AQR: variants seen among roughly 807,000 people sequenced by gnomAD.
AQR encodes aquarius intron-binding spliceosomal factor.
Under a neutral mutation model 180.5 loss-of-function variants are expected in AQR, and 61 were observed. The ratio of observed to expected loss-of-function variants is 0.34; its 90% CI spans 0.28 to 0.42. AQR has a LOEUF of 0.42. Ranked by LOEUF, AQR falls within the 10% of genes least tolerant of loss-of-function variation. The probability of loss-of-function intolerance (pLI) is 1.00; values close to 1 mark genes in which losing one functional copy is unlikely to be tolerated. For missense variants in AQR, 1,281 were observed against 1,798.3 expected (o/e 0.71, Z 5.20); for synonymous variants, 551 against 588.8 (o/e 0.94, Z 0.93).
chr15:34,904,009 T>C (rs989159643), intron 19 of AQR, among the ~76,000 whole-genome samples: 1 of 152,086 alleles, frequency 6.6e-6, no homozygotes, highest in Admixed American at 6.6e-5. Context: ...AAGCAAGTTT[T>C]CTTCACTTCA....
At chr15:34,964,381 C>G (rs752749424) in intron 1 of AQR, 91 bp from the exon 2 acceptor site, 2 of 1,057,562 alleles carry the variant, frequency 1.9e-6, no homozygotes, top group Non-Finnish European at 1.4e-6. Context: ...GGTTTCTTAA[C>G]AAGGCCCTAC....
At chr15:34,866,916 A>G (rs1892744414) in intron 32 of AQR, among the ~76,000 whole-genome samples, 1 of 152,084 alleles carries the variant, frequency 6.6e-6, no homozygotes, top group Non-Finnish European at 1.5e-5. Flanking sequence ...TTTATTTCTA[A>G]TCAATAAAGT....
chr15:34,918,361 A>G lies in AQR; in HGVS notation c.1239T>C (p.Arg413=), dbSNP rs778349641. The part of the protein sequence containing the change: ...LLELLVSRHE[R]RISQIQQLNQ... ...TCAACTGCTGAATCTGAGAAATTCG[A>G]CGTTCATGACGAGATACCTAAAATA... Residue 413 remains arginine (R), a synonymous_variant, in exon 15 of 35, where the codon CGT becomes CGC. Coordinates refer to ENST00000156471, the MANE Select transcript of AQR (RefSeq NM_014691.3). 1.7e-5 allele frequency: 27 copies of G among 1,613,576 alleles called. No individual in the cohort carries two copies. In the South Asian group the frequency reaches 2.9e-4, roughly 17 times the overall value.
rs267604161 is a variant in AQR at position 34,948,363 on chromosome 15, G to C, written c.231C>G (p.Leu77=). ...LEFSQYLENY[L]WMNYSPEVSS... Reference sequence around the variant, plus strand: ...ATACCTCAGGAGAATAATTCATCCAGAGATAATTTTCAAGATACTGGCTGT... The same window carrying C: ...ATACCTCAGGAGAATAATTCATCCACAGATAATTTTCAAGATACTGGCTGT... Residue 77 remains leucine (L), a synonymous_variant, in exon 5 of 35, where the codon CTC becomes CTG. Transcript: ENST00000156471. The C allele has an allele frequency of 1.2e-6, 2 of 1,612,634 alleles. No homozygotes were observed. Among genetic ancestry groups the C allele is most frequent in the African/African-American group, 1.3e-5 (1 of 74,898 alleles).
chr15:34,873,989 G>C lies in AQR; in HGVS notation c.3436C>G (p.Leu1146Val), dbSNP rs1040306323. Residue 1146 changes from leucine (L) to valine (V), a missense_variant, in exon 30 of 35, where the codon CTC becomes GTC. Around this residue, in one of 9 missense-constraint regions of AQR, gnomAD observed 197 missense variants for 320.7 expected, o/e 0.61. Coordinates refer to ENST00000156471, the MANE Select transcript of AQR (RefSeq NM_014691.3). Reference protein sequence around the residue: ...QGRARASLCNLYNWRYKNLGN... With the variant: ...QGRARASLCNVYNWRYKNLGN... Reference sequence around the variant, plus strand: ...AGATTCTTGTATCGCCAGTTGTAGAGGTTGCACAAGCTTTCCAAAGACAAA... The same window carrying C: ...AGATTCTTGTATCGCCAGTTGTAGACGTTGCACAAGCTTTCCAAAGACAAA... 4 of 1,596,858 alleles carry C rather than the reference G, an allele frequency of 2.5e-6. No homozygotes were observed. The highest frequency in any genetic ancestry group is 3.4e-6 in the Non-Finnish European group (4 of 1,171,752).
At chr15:34,953,721 C>T (rs1451164251) in intron 3 of AQR, among the ~76,000 whole-genome samples, 1 of 152,202 alleles carries the variant, frequency 6.6e-6, no homozygotes, top group African/African-American at 2.4e-5. Context: ...GCAGACATTT[C>T]ACTTGAATTA....
In AQR at chr15:34,951,835, C is replaced by T. The variant is rs180978579; in HGVS notation, c.209+1050G>A. On this transcript the variant is annotated intron_variant, in intron 4 of 34. Transcript: ENST00000156471. Reference sequence around the variant, plus strand: ...TTTAATCTGTCTTCTTGAAAGGAGGCACGATATGATGGAAAGAGCATATTT... The same window carrying T: ...TTTAATCTGTCTTCTTGAAAGGAGGTACGATATGATGGAAAGAGCATATTT... Among the ~76,000 whole-genome samples, 421 of 152,138 alleles carry T rather than the reference C, an allele frequency of 2.8e-3. 1 individual carries two copies. Among genetic ancestry groups the T allele is most frequent in the African/African-American group, 9.6e-3 (399 of 41,498 alleles).
chr15:34,858,076 C>T (rs900457160), intron 34 of AQR, among the ~76,000 whole-genome samples: 1 of 152,006 alleles, frequency 6.6e-6, no homozygotes, highest in Non-Finnish European at 1.5e-5. Context: ...CTCCGTCTCC[C>T]AGGTTCAAGC....
chr15:34,956,497 A>G (rs944285607), intron 3 of AQR, among the ~76,000 whole-genome samples: 12 of 151,962 alleles, frequency 7.9e-5, no homozygotes, highest in African/African-American at 2.9e-4. Context: ...CTAAAACTAC[A>G]AAAAATTAGC....
intron 9 of AQR, among the ~76,000 whole-genome samples, chr15:34,937,034 C>T (rs1164073738): frequency 6.6e-6 from 1 of 151,924 alleles, no homozygotes; most frequent in East Asian, 1.9e-4. Context: ...AAGCATAAAA[C>T]GTTTTCTTTC....
chr15:34,880,295 G>T (rs1459748605), intron 27 of AQR, among the ~76,000 whole-genome samples: 10 of 152,144 alleles, frequency 6.6e-5, no homozygotes, highest in Admixed American at 5.9e-4. Flanking sequence ...GATACGGGAG[G>T]ATGTATTCTA....
intron 31 of AQR, chr15:34,869,300 T>C (rs1034056534): frequency 1.3e-5 from 2 of 151,578 alleles, no homozygotes; most frequent in Admixed American, 1.3e-4. Flanking sequence ...TGGCTACCTG[T>C]AGGTCTTCCT....
chr15:34,867,060 G>A (rs1242410014), intron 32 of AQR, among the ~76,000 whole-genome samples: 3 of 152,016 alleles, frequency 2.0e-5, no homozygotes, highest in Non-Finnish European at 4.4e-5. Context: ...CATAATAAAC[G>A]ATAAAAGTAG....
chr15:34,915,228 A>G (rs1462303784), intron 15 of AQR, 49 bp from the exon 16 acceptor site: 3 of 1,437,664 alleles, frequency 2.1e-6, no homozygotes, highest in Non-Finnish European at 1.8e-6. Context: ...TTTTTTTGAG[A>G]CGGAGTCTCA....
intron 32 of AQR, among the ~76,000 whole-genome samples, chr15:34,863,394 A>T (rs984476120): frequency 6.6e-6 from 1 of 152,152 alleles, no homozygotes; most frequent in Non-Finnish European, 1.5e-5. Flanking sequence ...CTCTTCTTCC[A>T]CTTCACCTAC....
At chr15:34,865,056 A>T (rs1892722546) in intron 32 of AQR, among the ~76,000 whole-genome samples, 1 of 152,200 alleles carries the variant, frequency 6.6e-6, no homozygotes, top group Admixed American at 6.5e-5. Context: ...AGGCAAAAAA[A>T]ACAAAGGATG....
chr15:34,942,577 G>A (rs1371754393), intron 6 of AQR, among the ~76,000 whole-genome samples: 2 of 152,186 alleles, frequency 1.3e-5, no homozygotes, highest in East Asian at 3.8e-4. Flanking sequence ...GTGCAAGAAG[G>A]CTGTGATATG....
intron 6 of AQR, 93 bp downstream of exon 6, chr15:34,944,195 G>A: frequency 8.2e-7 from 1 of 1,220,242 alleles, no homozygotes; most frequent in Non-Finnish European, 1.1e-6. Context: ...TATTATGGAT[G>A]AATGGAGTTG....
At chr15:34,959,920 C>T (rs185922601) in intron 3 of AQR, among the ~76,000 whole-genome samples, 11 of 152,330 alleles carry the variant, frequency 7.2e-5, no homozygotes, top group Non-Finnish European at 1.3e-4. Context: ...GCAGGTGGAT[C>T]ACTTGGGGCC....
Sources: allele counts gnomAD v4.1 joint callset (sites outside exome capture counted in the v4.1 genomes callset), GRCh38; gene constraint gnomAD v4.1.1; regional missense constraint gnomAD v4.1.1; transcripts MANE v1.5; gene names NCBI Gene and HGNC (gene_info 2026-07-23, HGNC 2026-07-21).